IL34: variants seen among roughly 807,000 people sequenced by gnomAD.
The protein encoded by IL34 is interleukin-34.
Under a neutral mutation model 25.3 loss-of-function variants are expected in IL34, and 17 were observed. The ratio of observed to expected loss-of-function variants is 0.67; its 90% CI spans 0.46 to 1.01. IL34 has a LOEUF of 1.01. Among genes scored for constraint, IL34 ranks in the 50% least tolerant of loss-of-function variants. IL34 has a pLI of 0.00. For synonymous variants in IL34, 174 were observed against 140.9 expected (o/e 1.23, Z -1.66); for missense variants, 368 against 312.9 (o/e 1.18, Z -1.33).
intron 1 of IL34, among the ~76,000 whole-genome samples, chr16:70,635,790 C>T (rs531123112): frequency 4.6e-5 from 7 of 152,220 alleles, no homozygotes; most frequent in East Asian, 3.9e-4. Context: ...ATTAGTAATA[C>T]GAGTGAGTAA....
chr16:70,631,203 C>T (rs944183104), intron 1 of IL34, among the ~76,000 whole-genome samples: 10 of 152,168 alleles, frequency 6.6e-5, no homozygotes, highest in Admixed American at 1.3e-4. Flanking sequence ...CTTGTGCCCC[C>T]AGCTGGAGAA....
rs974439958 is a variant in IL34, at chr16:70,599,160, G to T, written c.-401+19111G>T. 2.6e-5 allele frequency among the ~76,000 whole-genome samples: 4 copies of T among 152,218 alleles called. No homozygotes were observed. In the South Asian group the frequency reaches 6.2e-4, roughly 24 times the overall value. The stretch of plus-strand genomic sequence containing the variant: ...GCATCTTTCTGGAGAGCCGCACGTT[G>T]TCAGAGAGCCAAGGGGCTTTGTGAA... On this transcript the variant is annotated intron_variant, in intron 1 of 6. Coordinates refer to the IL34 transcript ENST00000429149.
At chr16:70,634,738 C>T (rs1206542196) in intron 1 of IL34, among the ~76,000 whole-genome samples, 1 of 151,996 alleles carries the variant, frequency 6.6e-6, no homozygotes, top group Admixed American at 6.6e-5. Context: ...CAGATCCTTA[C>T]CACCACCAGC....
intron 1 of IL34, among the ~76,000 whole-genome samples, chr16:70,626,112 GAGTC>G (rs1173083724): frequency 6.6e-6 from 1 of 152,216 alleles, no homozygotes; most frequent in African/African-American, 2.4e-5. Flanking sequence ...TCCAAAAAGA[GAGTC>G]AGCCTGTTTT....
At chr16:70,603,771 G>A (rs1403607085) in intron 1 of IL34, among the ~76,000 whole-genome samples, 4 of 151,808 alleles carry the variant, frequency 2.6e-5, no homozygotes, top group Non-Finnish European at 5.9e-5. Context: ...CTGTAGAGAC[G>A]GGTTCTCATC....
intron 1 of IL34, among the ~76,000 whole-genome samples, chr16:70,604,172 T>C (rs192625865): frequency 3.0e-4 from 45 of 152,298 alleles, no homozygotes; most frequent in African/African-American, 1.0e-3. Context: ...TAGCAAAGCC[T>C]GTAAGCCAGG....
At chr16:70,597,420 C>T (rs578089090) in intron 1 of IL34, among the ~76,000 whole-genome samples, 11 of 152,074 alleles carry the variant, frequency 7.2e-5, no homozygotes, top group South Asian at 6.3e-4. Context: ...GGGGTCTCTC[C>T]ATGTTGCCCA....
chr16:70,626,597 T>C (rs956351615), intron 1 of IL34, among the ~76,000 whole-genome samples: 1 of 152,140 alleles, frequency 6.6e-6, no homozygotes, highest in Admixed American at 6.5e-5. Context: ...GGTTTCACCA[T>C]GTTGATCAGG....
chr16:70,636,550 G>C (rs1224193567), intron 1 of IL34, among the ~76,000 whole-genome samples: 1 of 151,688 alleles, frequency 6.6e-6, no homozygotes, highest in Non-Finnish European at 1.5e-5. Flanking sequence ...GAGACCAGGA[G>C]CTTGAGACCA....
chr16:70,631,751 C>T (rs1438549610), intron 1 of IL34, among the ~76,000 whole-genome samples: 7 of 152,246 alleles, frequency 4.6e-5, no homozygotes, highest in African/African-American at 7.2e-5. Flanking sequence ...ATACACTGGG[C>T]GGGATAGCCC....
intron 4 of IL34, among the ~76,000 whole-genome samples, chr16:70,659,132 C>A (rs769049558): frequency 6.6e-6 from 1 of 152,176 alleles, no homozygotes; most frequent in Non-Finnish European, 1.5e-5. Context: ...CCCCACATGA[C>A]CCTGTTGTTG....
chr16:70,593,051 T>A (rs1379964956), intron 1 of IL34, among the ~76,000 whole-genome samples: 2 of 152,212 alleles, frequency 1.3e-5, no homozygotes, highest in Non-Finnish European at 2.9e-5. Context: ...GGTCTCGAAC[T>A]GCTGGCCTCA....
chr16:70,628,093 C>T (rs1405589190), intron 1 of IL34, among the ~76,000 whole-genome samples: 2 of 152,180 alleles, frequency 1.3e-5, no homozygotes, highest in Non-Finnish European at 2.9e-5. Context: ...TACATTGTTG[C>T]AACACTTGGA....
At chr16:70,645,744 A>G (rs1597774169), upstream of IL34, among the ~76,000 whole-genome samples, 1 of 152,266 alleles carries the variant, frequency 6.6e-6, no homozygotes, top group South Asian at 2.1e-4. Flanking sequence ...GTTGTGAGAG[A>G]TTCAGTGAAT....
intron 1 of IL34, among the ~76,000 whole-genome samples, chr16:70,640,773 T>C (rs567378982): frequency 1.2e-4 from 18 of 152,246 alleles, no homozygotes; most frequent in African/African-American, 4.1e-4. Flanking sequence ...ACAAATAATA[T>C]ACCAACGCTT....
intron 1 of IL34, among the ~76,000 whole-genome samples, chr16:70,652,920 A>C (rs1318411693): frequency 1.3e-5 from 2 of 152,174 alleles, no homozygotes; most frequent in Non-Finnish European, 2.9e-5. Flanking sequence ...AGCTGGGTGT[A>C]TGACCGGGCA....
intron 1 of IL34, among the ~76,000 whole-genome samples, chr16:70,602,160 G>T (rs1413346907): frequency 6.6e-6 from 1 of 152,152 alleles, no homozygotes; most frequent in Non-Finnish European, 1.5e-5. Flanking sequence ...GTGAGCCGTG[G>T]AGGCCAGGCT....
rs536232674 is a variant in IL34, at chr16:70,589,057, C to T, written c.-401+9008C>T. Among the ~76,000 whole-genome samples the T allele has an allele frequency of 1.4e-4, 22 of 152,020 alleles. 1 individual carries two copies. In the South Asian group the frequency reaches 4.0e-3, roughly 27 times the overall value. ...AGCGGTGGCAAAAATGCTAGCTGAGCGTGGTGGCGGGCACCAGTAATCCCA... is the reference window on the plus strand; with the variant it reads ...AGCGGTGGCAAAAATGCTAGCTGAGTGTGGTGGCGGGCACCAGTAATCCCA... On this transcript the variant is annotated intron_variant, in intron 1 of 6. Coordinates refer to the IL34 transcript ENST00000429149.
Position 70,656,666 on chromosome 16 carries a change from A to G in IL34, c.227A>G (p.Asn76Ser), listed in dbSNP as rs2052230732. The change falls in exon 3 of 6, where the codon AAC (asparagine) becomes AGC (serine). Residue 76 changes from asparagine (N) to serine (S), a missense_variant. Physicochemically the swap from Asn to Ser is conservative, Grantham distance 46. Coordinates refer to ENST00000288098, the MANE Select transcript of IL34 (RefSeq NM_001393494.1). ...TACGAGGGGGTGTTCAGAATCGCCA[A>G]CGTCACCAGGCTGGTGAGAATCCCT... ...VPYEGVFRIA[N>S]VTRLQRAQVS... The G allele has an allele frequency of 1.4e-6, 2 of 1,387,126 alleles. No homozygotes were observed. Among genetic ancestry groups the G allele is most frequent in the South Asian group, 2.3e-5 (2 of 86,516 alleles). 85.9% of individuals were successfully genotyped at this position (1,387,126 alleles called of 1,614,324 possible).
Sources: allele counts gnomAD v4.1 joint callset (sites outside exome capture counted in the v4.1 genomes callset), GRCh38; gene constraint gnomAD v4.1.1; transcripts MANE v1.5; gene names NCBI Gene and HGNC (gene_info 2026-07-23, HGNC 2026-07-21).